NKAIN3: variants seen among roughly 807,000 people sequenced by gnomAD.
NKAIN3 encodes sodium/potassium transporting ATPase interacting 3.
NKAIN3 carries 25 observed loss-of-function variants against 30.2 expected under a neutral mutation model. The observed-to-expected ratio is 0.83, with a 90% CI of 0.60 to 1.16. The LOEUF is 1.16. Ranked by LOEUF, NKAIN3 falls within the 50% of genes most tolerant of loss-of-function variation. The pLI is 0.00. For synonymous variants in NKAIN3, 91 were observed against 89.6 expected (o/e 1.02, Z -0.09); for missense variants, 225 against 254.1 (o/e 0.89, Z 0.78).
intron 1 of NKAIN3, among the ~76,000 whole-genome samples, chr8:62,265,137 T>C (rs1015138569): frequency 1.8e-4 from 28 of 152,184 alleles, no homozygotes; most frequent in Non-Finnish European, 3.7e-4. Flanking sequence ...AGTGTATAAG[T>C]GATGTATTCT....
chr8:62,904,568 C>A (rs1197294019), intron 4 of NKAIN3, among the ~76,000 whole-genome samples: 2 of 152,168 alleles, frequency 1.3e-5, no homozygotes, highest in Non-Finnish European at 2.9e-5. Context: ...TGCACACAAG[C>A]AGAGCTGGAG....
In NKAIN3 at chr8:62,998,088, T is replaced by C. The variant is rs549319444; in HGVS notation, c.533-1143T>C. Among the ~76,000 whole-genome samples the C allele has an allele frequency of 2.1e-3, 324 of 152,300 alleles. 1 individual carries two copies. The highest frequency in any genetic ancestry group is 3.7e-3 in the Non-Finnish European group (255 of 68,028). The stretch of plus-strand genomic sequence containing the variant: ...CATTCACATCAGCACTCATTTGCTG[T>C]TTGTGCTCAGAGACTTTACATCCCC... On this transcript the variant is annotated intron_variant, in intron 5 of 5. Transcript: ENST00000519049.
chr8:62,365,397 TAG>T (rs1816705099), intron 1 of NKAIN3, among the ~76,000 whole-genome samples: 1 of 152,190 alleles, frequency 6.6e-6, no homozygotes, highest in African/African-American at 2.4e-5. Context: ...ATTTAAATAT[TAG>T]TACATAAAAT....
rs537697768 is a variant in NKAIN3 at position 62,910,255 on chromosome 8, A to G, written c.472-8198A>G. 4.6e-5 allele frequency among the ~76,000 whole-genome samples: 7 copies of G among 152,294 alleles called. No individual in the cohort carries two copies. The South Asian group carries it at 1.4e-3, about 32-fold the overall frequency. ...ATGGTCTTAAAATTATAAGAAAGAA[A>G]TATAAGTTACATAGAACTTAAGTAA... On this transcript the variant is annotated intron_variant, in intron 4 of 6. Coordinates refer to ENST00000623646, the MANE Select transcript of NKAIN3 (RefSeq NM_001304533.3).
At chr8:62,271,406 G>C (rs1367415692) in intron 1 of NKAIN3, among the ~76,000 whole-genome samples, 1 of 152,112 alleles carries the variant, frequency 6.6e-6, no homozygotes, top group Non-Finnish European at 1.5e-5. Flanking sequence ...AGAACTGTTT[G>C]GTGTTTTGTC....
chr8:62,384,647 T>C (rs1349927294), intron 1 of NKAIN3, among the ~76,000 whole-genome samples: 1 of 152,146 alleles, frequency 6.6e-6, no homozygotes, highest in Non-Finnish European at 1.5e-5. Context: ...CAAGAATCAA[T>C]TGTATTTTGA....
chr8:62,576,941 G>C (rs1810127576), intron 1 of NKAIN3, among the ~76,000 whole-genome samples: 1 of 152,050 alleles, frequency 6.6e-6, no homozygotes, highest in Non-Finnish European at 1.5e-5. Context: ...TAGAGATTAT[G>C]ACATTTAGAG....
At chr8:62,590,870 G>A (rs1042660099) in intron 3 of NKAIN3, among the ~76,000 whole-genome samples, 2 of 151,832 alleles carry the variant, frequency 1.3e-5, no homozygotes, top group African/African-American at 2.4e-5. Flanking sequence ...ATTGGCAACT[G>A]TATTCAGGAA....
intron 1 of NKAIN3, among the ~76,000 whole-genome samples, chr8:62,544,529 AT>A (rs537827180): frequency 4.7e-4 from 71 of 152,196 alleles, no homozygotes; most frequent in African/African-American, 1.7e-3. Flanking sequence ...CTCATTTTTC[AT>A]TTTTAATCAA....
intron 3 of NKAIN3, among the ~76,000 whole-genome samples, chr8:62,683,195 G>A (rs898638938): frequency 2.6e-5 from 4 of 151,918 alleles, no homozygotes; most frequent in Non-Finnish European, 2.9e-5. Context: ...CACCATGCCC[G>A]GCTAATTTTG....
intron 1 of NKAIN3, chr8:62,473,331 C>T (rs1017240018): frequency 6.6e-6 from 1 of 152,228 alleles, no homozygotes; most frequent in Admixed American, 6.5e-5. Flanking sequence ...TTATCATTTT[C>T]ATTTATTTGG....
Position 62,981,584 on chromosome 8 carries a change from G to A in NKAIN3, c.*16177G>A, listed in dbSNP as rs1335787422. 6.6e-6 allele frequency: 1 copy of A among 151,978 alleles called. No individual in the cohort carries two copies. The highest frequency in any genetic ancestry group is 1.9e-4 in the East Asian group (1 of 5,188). The allele number at this position is 151,978 out of a possible 1,614,324, so 9.4% of individuals were successfully genotyped here. On this transcript the variant is annotated 3_prime_UTR_variant, in exon 7 of 7. Coordinates refer to ENST00000623646, the MANE Select transcript of NKAIN3 (RefSeq NM_001304533.3). ...GAGTGATAACTCACATTGAGAACTT[G>A]TGATCTGAAAGCACTAAGGAATTTC...
chr8:62,582,781 C>T (rs574843120), intron 2 of NKAIN3, among the ~76,000 whole-genome samples: 4 of 152,240 alleles, frequency 2.6e-5, no homozygotes, highest in East Asian at 1.9e-4. Context: ...AGTGAGGAGG[C>T]GCAGGTTCTG....
intron 3 of NKAIN3, among the ~76,000 whole-genome samples, chr8:62,670,727 G>T (rs1430371974): frequency 6.6e-6 from 1 of 152,194 alleles, no homozygotes; most frequent in Non-Finnish European, 1.5e-5. Context: ...TGACCAAAAG[G>T]AATTCTCTTC....
At chr8:62,945,378 A>G (rs2130887827) in intron 5 of NKAIN3, among the ~76,000 whole-genome samples, 1 of 152,294 alleles carries the variant, frequency 6.6e-6, no homozygotes, top group East Asian at 1.9e-4. Flanking sequence ...TTTGGAAGCA[A>G]AAGATTGAAA....
intron 3 of NKAIN3, among the ~76,000 whole-genome samples, chr8:62,700,612 A>C (rs1814303635): frequency 6.6e-6 from 1 of 152,162 alleles, no homozygotes; most frequent in South Asian, 2.1e-4. Context: ...ATTAATCATC[A>C]CCTTTGGCAA....
intron 1 of NKAIN3, among the ~76,000 whole-genome samples, chr8:62,538,014 C>T (rs995771506): frequency 1.3e-5 from 2 of 152,088 alleles, no homozygotes; most frequent in Non-Finnish European, 2.9e-5. Context: ...AGTCTGGGGT[C>T]CATGCCAGGA....
At chr8:62,920,262 AAAC>A (rs1326237893) in intron 5 of NKAIN3, among the ~76,000 whole-genome samples, 1 of 152,216 alleles carries the variant, frequency 6.6e-6, no homozygotes, top group Admixed American at 6.5e-5. Context: ...AGTAGTTATC[AAAC>A]AACAACAACA....
intron 1 of NKAIN3, among the ~76,000 whole-genome samples, chr8:62,306,801 A>G (rs1218912853): frequency 6.7e-6 from 1 of 149,434 alleles, no homozygotes; most frequent in Non-Finnish European, 1.5e-5. Flanking sequence ...TCTTAGCCTA[A>G]TGCCATTACC....
Sources: gnomAD v4.1 joint callset for allele counts (sites outside exome capture counted in the v4.1 genomes callset) on GRCh38, gnomAD v4.1.1 for gene constraint, MANE v1.5 for transcripts, NCBI Gene and HGNC (gene_info 2026-07-23, HGNC 2026-07-21) for gene names.